MED10: variants seen among roughly 807,000 people sequenced by gnomAD.
MED10 encodes mediator of RNA polymerase II transcription subunit 10.
A neutral mutation model predicts 17.2 loss-of-function variants in MED10; 9 were observed. That is an observed-to-expected ratio of 0.52 (90% confidence interval 0.31 to 0.91). MED10 has a LOEUF of 0.91. Among genes scored for constraint, MED10 ranks in the 40% least tolerant of loss-of-function variants. MED10 has a pLI of 0.04. For synonymous variants in MED10, 66 were observed against 59.8 expected, an observed-to-expected ratio of 1.10 and a Z score of -0.48; for missense variants, 129 against 164.8, an observed-to-expected ratio of 0.78 and a Z score of 1.19.
chr5:6,375,602 G>A (rs1737973779), intron 2 of MED10, among the ~76,000 whole-genome samples: 1 of 152,164 alleles, frequency 6.6e-6, no homozygotes, highest in South Asian at 2.1e-4. Context: ...CAACAGCATG[G>A]ACATCCTGCT....
At chr5:6,376,503 C>T (rs569184040) in intron 2 of MED10, among the ~76,000 whole-genome samples, 1 of 152,296 alleles carries the variant, frequency 6.6e-6, no homozygotes, top group East Asian at 1.9e-4. Context: ...TGTGTGAAAT[C>T]AGAGATGTGA....
In MED10 at chr5:6,373,692, C is replaced by A. The variant is rs574624281; in HGVS notation, c.309+632G>T. ...CTGGGAGGAGAGGAAGGCAGAGGTC[C>A]CTGCTGCACACGGCAACAGTCGCAT... On this transcript the variant is annotated intron_variant, in intron 3 of 3. Transcript: ENST00000255764. Among the ~76,000 whole-genome samples, 230 of 152,278 alleles carry A rather than the reference C, an allele frequency of 1.5e-3. 1 individual carries two copies. Among genetic ancestry groups the A allele is most frequent in the African/African-American group, 5.2e-3 (217 of 41,548 alleles).
chr5:6,375,023 C>T (rs1369609520), intron 2 of MED10, among the ~76,000 whole-genome samples: 3 of 152,068 alleles, frequency 2.0e-5, no homozygotes, highest in Admixed American at 6.5e-5. Context: ...AAAGAAGAGG[C>T]GGCTTGATAT....
chr5:6,377,100 G>T, intron 2 of MED10, 66 bp downstream of exon 2: 1 of 1,097,760 alleles, frequency 9.1e-7, no homozygotes, highest in Non-Finnish European at 1.3e-6. Flanking sequence ...TGATGAAGAA[G>T]TCACGATACC....
In MED10 at chr5:6,374,324, C is replaced by G; in HGVS notation, c.309G>C (p.Lys103Asn). The stretch of plus-strand genomic sequence containing the variant: ...TTTCTGACACTCCTTAGAGTCTTAC[C>G]TTCATGGTGTCGATCTTGCCTTTAA... ...EQVKGKIDTM[K>N]KFKSLLIQEL... The change falls in exon 3 of 4, where the codon AAG becomes AAC. Residue 103 changes from lysine to asparagine, a missense_variant and splice_region_variant. Lys to Asn is a moderately conservative substitution (Grantham distance 94). Coordinates refer to ENST00000255764, the MANE Select transcript of MED10 (RefSeq NM_032286.3). The G allele has an allele frequency of 2.5e-6, 4 of 1,606,400 alleles. No homozygotes were observed. Among genetic ancestry groups the G allele is most frequent in the Non-Finnish European group, 3.4e-6 (4 of 1,173,006 alleles).
Position 6,372,362 on chromosome 5 carries a change from C to A in MED10, c.*141G>T, listed in dbSNP as rs1737905152. ...CTCCAGCCCCTCGGTCCCATGAGGC[C>A]AAACAATGAGGACAGAGGGGCTGAG... On this transcript the variant is annotated 3_prime_UTR_variant, in exon 4 of 4. Coordinates refer to ENST00000255764, the MANE Select transcript of MED10 (RefSeq NM_032286.3). 6.0e-6 allele frequency: 4 copies of A among 671,038 alleles called. No individual in the cohort carries two copies. Among genetic ancestry groups the A allele is most frequent in the Non-Finnish European group, 1.0e-5 (4 of 383,844 alleles). 41.6% of individuals were successfully genotyped at this position (671,038 alleles called of 1,614,324 possible).
At chr5:6,376,924 T>C (rs932915848) in intron 2 of MED10, 3 of 338,978 alleles carry the variant, frequency 8.9e-6, no homozygotes, top group African/African-American at 2.1e-5. Flanking sequence ...TAACTTTTTT[T>C]CCACAATAGA....
At chr5:6,373,126 GTGC>G (rs1445665230) in intron 3 of MED10, among the ~76,000 whole-genome samples, 5 of 152,172 alleles carry the variant, frequency 3.3e-5, no homozygotes, top group Non-Finnish European at 7.3e-5. Context: ...CTTCTGAGGT[GTGC>G]TGTTTACCAC....
intron 1 of MED10, among the ~76,000 whole-genome samples, chr5:6,377,584 T>TG (rs1206284138): frequency 6.6e-6 from 1 of 152,214 alleles, no homozygotes; most frequent in African/African-American, 2.4e-5. Context: ...AGCGAACACA[T>TG]GAGGCAGCGG....
At chr5:6,374,593 C>G in intron 2 of MED10, 167 bp from the exon 3 acceptor site, 1 of 581,854 alleles carries the variant, frequency 1.7e-6, no homozygotes, top group Non-Finnish European at 3.1e-6. Context: ...CTCATTTACA[C>G]AAGTACAGAT....
chr5:6,376,964 G>C, intron 2 of MED10: 2 of 401,246 alleles, frequency 5.0e-6, no homozygotes, highest in Non-Finnish European at 8.9e-6. Context: ...TTTTCGTTTT[G>C]TAATGCCATT....
At chr5:6,374,462 G>T in intron 2 of MED10, 36 bp from the exon 3 acceptor site, 3 of 1,378,454 alleles carry the variant, frequency 2.2e-6, no homozygotes, top group South Asian at 2.3e-5. Flanking sequence ...GCATTCTCAT[G>T]ACTGACACCT....
In MED10 at chr5:6,375,387, A is replaced by C. The variant is rs570513360; in HGVS notation, c.207-961T>G. Among the ~76,000 whole-genome samples, 4 of 152,374 alleles carry C rather than the reference A, an allele frequency of 2.6e-5. No individual in the cohort carries two copies. In the East Asian group the frequency reaches 7.7e-4, roughly 29 times the overall value. ...CAGAACAAGATATCATTAGGTTACT[A>C]CTAATGGTATAAAAAGTAGCCTTGA... On this transcript the variant is annotated intron_variant, in intron 2 of 3. Coordinates refer to ENST00000255764, the MANE Select transcript of MED10 (RefSeq NM_032286.3).
In MED10 at chr5:6,372,368, A is replaced by C. The variant is rs976239647; in HGVS notation, c.*135T>G. The C allele has an allele frequency of 1.5e-6, 1 of 687,464 alleles. No individual in the cohort carries two copies. Among genetic ancestry groups the C allele is most frequent in the African/African-American group, 1.8e-5 (1 of 55,790 alleles). The allele number at this position is 687,464 out of a possible 1,614,324, so 42.6% of individuals were successfully genotyped here. Reference sequence around the variant, plus strand: ...CCCCTCGGTCCCATGAGGCCAAACAATGAGGACAGAGGGGCTGAGGGGTGT... The same window carrying C: ...CCCCTCGGTCCCATGAGGCCAAACACTGAGGACAGAGGGGCTGAGGGGTGT... On this transcript the variant is annotated 3_prime_UTR_variant, in exon 4 of 4. Transcript: ENST00000255764.
In MED10 at chr5:6,372,267, G is replaced by A; in HGVS notation, c.*236C>T. The A allele has an allele frequency of 1.9e-6, 1 of 530,014 alleles. No individual in the cohort carries two copies. Among genetic ancestry groups the A allele is most frequent in the East Asian group, 3.1e-5 (1 of 32,400 alleles). 32.8% of individuals were successfully genotyped at this position (530,014 alleles called of 1,614,324 possible). A position where few individuals can be genotyped will look rare whatever the true frequency, so the allele number is the denominator to read the frequency against. On this transcript the variant is annotated 3_prime_UTR_variant, in exon 4 of 4. Coordinates refer to ENST00000255764, the MANE Select transcript of MED10 (RefSeq NM_032286.3). The stretch of plus-strand genomic sequence containing the variant: ...GAGAATGATCCCCACAGTGATGAGG[G>A]GTCAGCACTCTGAAAGCCAGTTGAC...
intron 1 of MED10, 141 bp from the exon 2 acceptor site, chr5:6,377,390 T>G: frequency 2.2e-6 from 1 of 458,154 alleles, no homozygotes; most frequent in Non-Finnish European, 3.9e-6. Flanking sequence ...GGTTCTGACC[T>G]CTTTGGTTAG....
Position 6,375,053 on chromosome 5 carries a change from CTAGG to C in MED10, c.207-631_207-628del, listed in dbSNP as rs1265707380. 2.0e-5 allele frequency among the ~76,000 whole-genome samples: 3 copies of C among 152,252 alleles called. No individual in the cohort carries two copies. The East Asian group carries it at 5.8e-4, about 29-fold the overall frequency. ...TGATATACCACTTTACTAAATACACCTAGGTAACTTAAATATAACAGAGACATTC... is the reference window on the plus strand; with the variant it reads ...TGATATACCACTTTACTAAATACACCTAACTTAAATATAACAGAGACATTC... On this transcript the variant is annotated intron_variant, in intron 2 of 3. Coordinates refer to ENST00000255764, the MANE Select transcript of MED10 (RefSeq NM_032286.3).
chr5:6,376,028 GC>G (rs1488726097), intron 2 of MED10, among the ~76,000 whole-genome samples: 1 of 152,224 alleles, frequency 6.6e-6, no homozygotes, highest in Non-Finnish European at 1.5e-5. Flanking sequence ...AAAGGAGGAT[GC>G]TCTGTATTCC....
chr5:6,374,501 G>A, intron 2 of MED10, 75 bp from the exon 3 acceptor site: 1 of 1,068,450 alleles, frequency 9.4e-7, no homozygotes, highest in Non-Finnish European at 1.5e-6. Context: ...AAGGTATGGG[G>A]GAATAAAGGT....
Sources: allele counts gnomAD v4.1 joint callset (sites outside exome capture counted in the v4.1 genomes callset), GRCh38; gene constraint gnomAD v4.1.1; transcripts MANE v1.5; gene names NCBI Gene and HGNC (gene_info 2026-07-23, HGNC 2026-07-21).